Variants in FBXO30 observed in about 807,000 individuals in gnomAD.
The protein encoded by FBXO30 is F-box protein 30.
FBXO30 carries 21 observed loss-of-function variants against 58.1 expected under a neutral mutation model. The ratio of observed to expected loss-of-function variants is 0.36; its 90% CI spans 0.26 to 0.52. The LOEUF (loss-of-function observed/expected upper bound fraction) is 0.52, where lower values mean the gene tolerates loss of function less well. FBXO30 is among the 20% of genes least tolerant of loss of function. The pLI is 0.93. For synonymous variants in FBXO30, 309 were observed against 312.4 expected, an observed-to-expected ratio of 0.99 and a Z score of 0.11; for missense variants, 744 against 897.3, an observed-to-expected ratio of 0.83 and a Z score of 2.18.
At chr6:145,813,103 C>G (rs1778379084) in intron 1 of FBXO30, among the ~76,000 whole-genome samples, 1 of 152,034 alleles carries the variant, frequency 6.6e-6, no homozygotes, top group East Asian at 1.9e-4. Flanking sequence ...TTTTGGTGAC[C>G]TTAAAGTACC....
intron 2 of FBXO30, among the ~76,000 whole-genome samples, chr6:145,803,316 T>C (rs1424235721): frequency 6.6e-6 from 1 of 152,116 alleles, no homozygotes; most frequent in Non-Finnish European, 1.5e-5. Context: ...AGAAACTTTC[T>C]GCCATCAGAA....
At chr6:145,814,360 T>A (rs1363434531) in intron 1 of FBXO30, among the ~76,000 whole-genome samples, 1 of 152,120 alleles carries the variant, frequency 6.6e-6, no homozygotes, top group Admixed American at 6.5e-5. Flanking sequence ...TGGCCCGGCA[T>A]GCGGCCCGGC....
intron 2 of FBXO30, 74 bp from the exon 3 acceptor site, chr6:145,800,383 G>T: frequency 8.3e-7 from 1 of 1,206,272 alleles, no homozygotes; most frequent in Non-Finnish European, 1.2e-6. Flanking sequence ...TGCTCCTACT[G>T]CATACATTTC....
chr6:145,812,567 A>G (rs1381345873), intron 1 of FBXO30, among the ~76,000 whole-genome samples: 1 of 152,170 alleles, frequency 6.6e-6, no homozygotes, highest in Non-Finnish European at 1.5e-5. Flanking sequence ...GTTTACAATT[A>G]TGTGTGTGTC....
At position 145,805,964 on chromosome 6, in the gene FBXO30, T is replaced by C. The variant is rs1381380280; in HGVS notation, c.442A>G (p.Lys148Glu). The C allele has an allele frequency of 6.2e-6, 10 of 1,614,004 alleles. No homozygotes were observed. Among genetic ancestry groups the C allele is most frequent in the Non-Finnish European group, 8.5e-6 (10 of 1,180,002 alleles). The change falls in exon 2 of 3, where the codon AAA becomes GAA. Residue 148 changes from lysine (K) to glutamate (E), a missense_variant. Lys to Glu is a moderately conservative substitution (Grantham distance 56). Coordinates refer to ENST00000237281, the MANE Select transcript of FBXO30 (RefSeq NM_032145.5). Reference protein sequence around the residue: ...VATMMSKATDKVSKPREQISV... With the variant: ...VATMMSKATDEVSKPREQISV... ...ATTTGTTCTCTAGGTTTGGATACTTTATCAGTTGCTTTTGACATCATGGTG... is the reference window on the plus strand; with the variant it reads ...ATTTGTTCTCTAGGTTTGGATACTTCATCAGTTGCTTTTGACATCATGGTG...
At position 145,796,709 on chromosome 6, in the gene FBXO30, A is replaced by G. The variant is rs1375889717; in HGVS notation, c.*3397T>C. The stretch of plus-strand genomic sequence containing the variant: ...AAACCCCATGTCTTTTCAGGTTGGG[A>G]TGCAAAACATGAAGAAATCTGTTTT... On this transcript the variant is annotated 3_prime_UTR_variant, in exon 3 of 3. Coordinates refer to ENST00000237281, the MANE Select transcript of FBXO30 (RefSeq NM_032145.5). 6.6e-6 allele frequency: 1 copy of G among 152,026 alleles called. No homozygotes were observed. Among genetic ancestry groups the G allele is most frequent in the East Asian group, 1.9e-4 (1 of 5,204 alleles). 9.4% of individuals were successfully genotyped at this position (152,026 alleles called of 1,614,324 possible). A position where few individuals can be genotyped will look rare whatever the true frequency, so the allele number is the denominator to read the frequency against.
intron 2 of FBXO30, among the ~76,000 whole-genome samples, 177 bp from the exon 3 acceptor site, chr6:145,800,486 T>C (rs1271648624): frequency 2.0e-5 from 3 of 152,154 alleles, no homozygotes; most frequent in African/African-American, 7.2e-5. Context: ...GTCAAATATT[T>C]ACAAGGTAAA....
chr6:145,811,564 T>C (rs1778334501), intron 1 of FBXO30, among the ~76,000 whole-genome samples: 1 of 152,084 alleles, frequency 6.6e-6, no homozygotes, highest in Admixed American at 6.5e-5. Flanking sequence ...GATCAATTAC[T>C]GGAAAAATAA....
Position 145,800,176 on chromosome 6 carries a change from C to T in FBXO30, c.2168G>A (p.Cys723Tyr). The T allele has an allele frequency of 6.2e-7, 1 of 1,613,118 alleles. No homozygotes were observed. The highest frequency in any genetic ancestry group is 8.5e-7 in the Non-Finnish European group (1 of 1,179,328). Residue 723 changes from cysteine (C) to tyrosine (Y), a missense_variant, in exon 3 of 3, where the codon TGT becomes TAT. Cys to Tyr is a radical substitution (Grantham distance 194). This residue lies in a region of FBXO30 where 334 missense variants were observed against 433.7 expected (regional missense o/e 0.77). Coordinates refer to ENST00000237281, the MANE Select transcript of FBXO30 (RefSeq NM_032145.5). ...EKREEAIPLP[C>Y]MCVTRELTKE... ...AGTGAGTTCTCGTGTCACACACATA[C>T]ATGGCAAAGGGATTGCTTCCTCCCG...
rs1400017463 is a variant in FBXO30 at position 145,795,537 on chromosome 6, T to C, written c.*4569A>G. 1 of 151,884 alleles carries C rather than the reference T, an allele frequency of 6.6e-6. No homozygotes were observed. Among genetic ancestry groups the C allele is most frequent in the East Asian group, 1.9e-4 (1 of 5,198 alleles). The allele number at this position is 151,884 out of a possible 1,614,324, so 9.4% of individuals were successfully genotyped here. A position where few individuals can be genotyped will look rare whatever the true frequency, so the allele number is the denominator to read the frequency against. ...TCATAGTAAAAGACAGATGCTTCCG[T>C]CCAGCTTATCAAAAAGATTGAAAAT... is the stretch of plus-strand genomic sequence containing the variant. On this transcript the variant is annotated 3_prime_UTR_variant, in exon 3 of 3. Coordinates refer to ENST00000237281, the MANE Select transcript of FBXO30 (RefSeq NM_032145.5).
intron 1 of FBXO30, among the ~76,000 whole-genome samples, chr6:145,808,971 G>A (rs186954244): frequency 1.3e-5 from 2 of 152,240 alleles, no homozygotes; most frequent in East Asian, 3.9e-4. Context: ...CATCAACAGA[G>A]CTTTTCTTGA....
chr6:145,813,066 C>T (rs1191947531), intron 1 of FBXO30, among the ~76,000 whole-genome samples: 1 of 152,036 alleles, frequency 6.6e-6, no homozygotes, highest in African/African-American at 2.4e-5. Flanking sequence ...CATGTTATAT[C>T]AAACAGTAAG....
intron 2 of FBXO30, 151 bp from the exon 3 acceptor site, chr6:145,800,460 T>C: frequency 1.7e-6 from 1 of 598,098 alleles, no homozygotes; most frequent in Non-Finnish European, 2.9e-6. Flanking sequence ...GTAAATCCTT[T>C]TGGACATAAA....
At chr6:145,812,199 GT>G (rs1328965754) in intron 1 of FBXO30, among the ~76,000 whole-genome samples, 3 of 151,882 alleles carry the variant, frequency 2.0e-5, no homozygotes, top group African/African-American at 7.3e-5. Context: ...CTTTTTTCAT[GT>G]TTTATTGTTC....
Position 145,814,722 on chromosome 6 carries a change from C to T in FBXO30, c.-136G>A, listed in dbSNP as rs1179450667. The T allele has an allele frequency of 6.5e-6, 1 of 153,542 alleles. No individual in the cohort carries two copies. The highest frequency in any genetic ancestry group is 1.9e-4 in the East Asian group (1 of 5,236). The allele number at this position is 153,542 out of a possible 1,614,324, so 9.5% of individuals were successfully genotyped here. ...ACAGCCGTCCGAACCGCCTCCTCCGCCCCTCTTCCCCAGCCGGGCCGCCGC... is the reference window on the plus strand; with the variant it reads ...ACAGCCGTCCGAACCGCCTCCTCCGTCCCTCTTCCCCAGCCGGGCCGCCGC... On this transcript the variant is annotated 5_prime_UTR_variant, in exon 1 of 3. Coordinates refer to ENST00000237281, the MANE Select transcript of FBXO30 (RefSeq NM_032145.5).
intron 1 of FBXO30, 134 bp from the exon 2 acceptor site, chr6:145,806,555 C>T: frequency 1.5e-6 from 1 of 678,726 alleles, no homozygotes; most frequent in South Asian, 2.0e-5. Context: ...AATAAACATA[C>T]TTAACCAGTT....
intron 1 of FBXO30, among the ~76,000 whole-genome samples, chr6:145,812,985 A>G (rs1469545220): frequency 6.6e-6 from 1 of 152,210 alleles, no homozygotes; most frequent in African/African-American, 2.4e-5. Flanking sequence ...TAGGAACTGA[A>G]TTAAAATATT....
chr6:145,802,742 C>A (rs1332062578), intron 2 of FBXO30, among the ~76,000 whole-genome samples: 2 of 152,066 alleles, frequency 1.3e-5, no homozygotes, highest in East Asian at 3.9e-4. Context: ...GAAGTAGGAA[C>A]CCAGTTAGAA....
At position 145,793,899 on chromosome 6, in the gene FBXO30, G is replaced by A. The variant is rs994993311; in HGVS notation, c.*6207C>T. The A allele has an allele frequency of 6.6e-6, 1 of 151,970 alleles. No individual in the cohort carries two copies. Among genetic ancestry groups the A allele is most frequent in the Non-Finnish European group, 1.5e-5 (1 of 67,878 alleles). 9.4% of individuals were successfully genotyped at this position (151,970 alleles called of 1,614,324 possible). A position where few individuals can be genotyped will look rare whatever the true frequency, so the allele number is the denominator to read the frequency against. Reference sequence around the variant, plus strand: ...AAATTAATTCTAAACCACGGTTTGGGCATTTCACAAACGTTGAGAACACTA... The same window carrying A: ...AAATTAATTCTAAACCACGGTTTGGACATTTCACAAACGTTGAGAACACTA... On this transcript the variant is annotated 3_prime_UTR_variant, in exon 3 of 3. Transcript: ENST00000237281.
Sources: allele counts gnomAD v4.1 joint callset (sites outside exome capture counted in the v4.1 genomes callset), GRCh38; gene constraint gnomAD v4.1.1; regional missense constraint gnomAD v4.1.1; transcripts MANE v1.5; gene names NCBI Gene and HGNC (gene_info 2026-07-23, HGNC 2026-07-21).